The following MYH15 variants were observed in gnomAD, a reference collection of about 807,000 sequenced individuals.
The protein encoded by MYH15 is myosin-15.
MYH15 carries 227 observed loss-of-function variants against 240.5 expected under a neutral mutation model. The ratio of observed to expected loss-of-function variants is 0.94; its 90% CI spans 0.85 to 1.05. The LOEUF is 1.05. MYH15 is among the 50% of genes least tolerant of loss of function. The pLI, the probability that MYH15 is intolerant of heterozygous loss-of-function variation, is 0.00. For missense variants in MYH15, 2,217 were observed against 2,247.5 expected, an observed-to-expected ratio of 0.99 and a Z score of 0.27; for synonymous variants, 785 against 796.7, an observed-to-expected ratio of 0.99 and a Z score of 0.25.
At chr3:108,522,767 G>A (rs761207850) in intron 1 of MYH15, among the ~76,000 whole-genome samples, 13 of 152,172 alleles carry the variant, frequency 8.5e-5, no homozygotes, top group Admixed American at 4.6e-4. Flanking sequence ...ATTTGAGGGC[G>A]AAATAATTCA....
At chr3:108,422,171 T>C (rs1209536310) in intron 27 of MYH15, among the ~76,000 whole-genome samples, 1 of 152,208 alleles carries the variant, frequency 6.6e-6, no homozygotes, top group Non-Finnish European at 1.5e-5. Context: ...TCTACAGATT[T>C]TACATAGCTG....
intron 35 of MYH15, among the ~76,000 whole-genome samples, chr3:108,395,579 CAA>C (rs1315130516): frequency 6.7e-6 from 1 of 149,762 alleles, no homozygotes; most frequent in Admixed American, 6.7e-5. Flanking sequence ...GCTAGGGAGA[CAA>C]GGGTTTAAAT....
chr3:108,474,899 T>G (rs980753247), intron 12 of MYH15, among the ~76,000 whole-genome samples: 1 of 152,154 alleles, frequency 6.6e-6, no homozygotes, highest in Non-Finnish European at 1.5e-5. Context: ...TTTAGATGCT[T>G]GGAGTACTAA....
At chr3:108,541,809 A>G in the MYH15 span, among the ~76,000 whole-genome samples, 1 of 152,278 alleles carries the variant, frequency 6.6e-6, no homozygotes, top group South Asian at 2.1e-4. Flanking sequence ...GAAACTGTCA[A>G]AAATGATCAA....
intron 38 of MYH15, 43 bp downstream of exon 38, chr3:108,388,927 G>A (rs750062801): frequency 1.3e-6 from 2 of 1,564,790 alleles, no homozygotes; most frequent in Non-Finnish European, 1.8e-6. Flanking sequence ...TTTCTGCAGG[G>A]TAGTGCCCAG....
At chr3:108,496,230 T>C (rs1338387971) in intron 6 of MYH15, among the ~76,000 whole-genome samples, 1 of 152,244 alleles carries the variant, frequency 6.6e-6, no homozygotes, top group Non-Finnish European at 1.5e-5. Flanking sequence ...TCATTAATCT[T>C]CCTCTCTTCC....
chr3:108,405,146 T>C (rs2082536883), intron 33 of MYH15, 192 bp downstream of exon 33: 1 of 360,294 alleles, frequency 2.8e-6, no homozygotes, highest in Non-Finnish European at 5.1e-6. Flanking sequence ...TAAAAGGATA[T>C]CTAATTGTGT....
intron 33 of MYH15, among the ~76,000 whole-genome samples, chr3:108,402,788 C>G (rs777206469): frequency 6.6e-6 from 1 of 152,188 alleles, no homozygotes; most frequent in Admixed American, 6.5e-5. Flanking sequence ...CCTGAAGATG[C>G]AGGATGCACC....
chr3:108,407,994 G>A (rs2082558934), intron 32 of MYH15, among the ~76,000 whole-genome samples: 1 of 152,190 alleles, frequency 6.6e-6, no homozygotes, highest in Non-Finnish European at 1.5e-5. Flanking sequence ...TGGGCACTGG[G>A]GATAAACTGG....
intron 11 of MYH15, among the ~76,000 whole-genome samples, chr3:108,482,411 A>C (rs1288983785): frequency 6.6e-6 from 1 of 152,152 alleles, no homozygotes; most frequent in Non-Finnish European, 1.5e-5. Flanking sequence ...CCTGAGAAGA[A>C]GCCAAAAGGG....
At chr3:108,493,309 A>C in intron 7 of MYH15, 132 bp from the exon 8 acceptor site, 2 of 639,352 alleles carry the variant, frequency 3.1e-6, no homozygotes, top group East Asian at 2.9e-5. Flanking sequence ...ACAAACAAAA[A>C]AAAAAAAGAA....
At chr3:108,457,500 C>A (rs2083033027) in intron 18 of MYH15, among the ~76,000 whole-genome samples, 1 of 152,130 alleles carries the variant, frequency 6.6e-6, no homozygotes, top group African/African-American at 2.4e-5. Flanking sequence ...CAGCTGTCAG[C>A]TGCAACGTCC....
intron 22 of MYH15, among the ~76,000 whole-genome samples, chr3:108,442,772 CTTT>C (rs5851593): frequency 1.8e-4 from 26 of 143,178 alleles, no homozygotes; most frequent in Non-Finnish European, 2.1e-4. Context: ...CAAAATATTT[CTTT>C]TTTTTTTTTT....
At chr3:108,531,256 C>T (rs2083708522), upstream of MYH15, among the ~76,000 whole-genome samples, 1 of 152,130 alleles carries the variant, frequency 6.6e-6, no homozygotes. Flanking sequence ...TGTATGATAA[C>T]ATGACAGATC....
chr3:108,386,205 G>C (rs778488317), intron 38 of MYH15, among the ~76,000 whole-genome samples: 3 of 152,162 alleles, frequency 2.0e-5, no homozygotes, highest in African/African-American at 4.8e-5. Flanking sequence ...CATAAAGGAG[G>C]CCACACAGAA....
At position 108,410,012 on chromosome 3, in the gene MYH15, C is replaced by T. The variant is rs138646264; in HGVS notation, c.4495+571G>A. 1.3e-3 allele frequency among the ~76,000 whole-genome samples: 195 copies of T among 152,234 alleles called. 1 individual carries two copies. The highest frequency in any genetic ancestry group is 4.4e-3 in the African/African-American group (182 of 41,524). Reference sequence around the variant, plus strand: ...GGTTGCACAGCTCAGTAGTTAAGTGCGTATATGCTGGAGCCGTGCTGGCTG... The same window carrying T: ...GGTTGCACAGCTCAGTAGTTAAGTGTGTATATGCTGGAGCCGTGCTGGCTG... On this transcript the variant is annotated intron_variant, in intron 31 of 40. Coordinates refer to ENST00000693548, the MANE Select transcript of MYH15 (RefSeq NM_014981.3).
At chr3:108,546,670 G>A in the MYH15 span, among the ~76,000 whole-genome samples, 1 of 152,082 alleles carries the variant, frequency 6.6e-6, no homozygotes, top group Admixed American at 6.6e-5. Flanking sequence ...ATATTTAGTT[G>A]GAAGGAAAGA....
rs1190854132 is a variant in MYH15 at position 108,505,840 on chromosome 3, A to C, written c.89-11T>G. ...AGCATTTCTTCTTCCCTGTAGAGCAAAAAAAAAAAAAAATGGATTATAGCT... is the reference window on the plus strand; with the variant it reads ...AGCATTTCTTCTTCCCTGTAGAGCACAAAAAAAAAAAAATGGATTATAGCT... On this transcript the variant is annotated splice_polypyrimidine_tract_variant and intron_variant, in intron 1 of 40. Coordinates refer to ENST00000693548, the MANE Select transcript of MYH15 (RefSeq NM_014981.3). The C allele has an allele frequency of 1.4e-6, 1 of 701,080 alleles. No individual in the cohort carries two copies. The highest frequency in any genetic ancestry group is 2.0e-6 in the Non-Finnish European group (1 of 498,452). 43.4% of individuals were successfully genotyped at this position (701,080 alleles called of 1,614,324 possible). A position where few individuals can be genotyped will look rare whatever the true frequency, so the allele number is the denominator to read the frequency against.
At chr3:108,492,404 G>T in intron 9 of MYH15, 96 bp downstream of exon 9, 2 of 792,276 alleles carry the variant, frequency 2.5e-6, no homozygotes, top group Non-Finnish European at 4.0e-6. Flanking sequence ...GTCTAAATAG[G>T]CTAAGAAACT....
Sources: allele counts gnomAD v4.1 joint callset (sites outside exome capture counted in the v4.1 genomes callset), GRCh38; gene constraint gnomAD v4.1.1; transcripts MANE v1.5; gene names NCBI Gene and HGNC (gene_info 2026-07-23, HGNC 2026-07-21).